The following C2CD4D variants were observed in gnomAD, a reference collection of about 807,000 sequenced individuals.
C2CD4D encodes the protein C2 calcium-dependent domain-containing protein 4D.
In C2CD4D, 1 loss-of-function variant was observed where a neutral mutation model predicts 0.2. That is an observed-to-expected ratio of 4.00 (90% CI 1.42 to 18.99). The LOEUF is 18.99. Ranked by LOEUF, C2CD4D falls within the 30% of genes most tolerant of loss-of-function variation. The probability of loss-of-function intolerance (pLI) is 0.11; values close to 1 mark genes in which losing one functional copy is unlikely to be tolerated. For synonymous variants in C2CD4D, 269 were observed against 279.8 expected (o/e 0.96, Z 0.39); for missense variants, 552 against 551.2 (o/e 1.00, Z -0.01).
At chr1:151,840,225 C>G (rs532769946) in exon 1 of C2CD4D, 1 of 152,534 alleles carries the variant, frequency 6.6e-6, no homozygotes, top group Admixed American at 6.5e-5. Context: ...ATAAACACAG[C>G]TCTGTCTGCG....
chr1:151,840,299 C>T (rs1406797337), exon 1 of C2CD4D: 1 of 152,562 alleles, frequency 6.6e-6, no homozygotes, highest in Admixed American at 6.5e-5. Flanking sequence ...ACAATCCATT[C>T]CTGTGCCCAG....
exon 2 of C2CD4D, chr1:151,838,447 C>T (rs1303249938): frequency 1.4e-6 from 2 of 1,411,756 alleles, no homozygotes; most frequent in Non-Finnish European, 9.2e-7. Flanking sequence ...GCGGCGAGTG[C>T]GGGCTGGTAT....
At chr1:151,838,812 G>A in exon 2 of C2CD4D, 1 of 1,420,972 alleles carries the variant, frequency 7.0e-7, no homozygotes, top group Non-Finnish European at 9.2e-7. Context: ...GCGCCGCCCG[G>A]GTCCGGGAGC....
At chr1:151,838,582 C>G in exon 2 of C2CD4D, 1 of 1,315,744 alleles carries the variant, frequency 7.6e-7, no homozygotes, top group African/African-American at 1.5e-5. Flanking sequence ...TGTCGGGGGC[C>G]CGGCAGAGGC....
chr1:151,838,900 G>C, exon 2 of C2CD4D: 1 of 1,547,208 alleles, frequency 6.5e-7, no homozygotes, highest in African/African-American at 1.4e-5. Context: ...GGCCCGGGGC[G>C]CGACGCTTGG....
chr1:151,839,317 A>C, intron 1 of C2CD4D, 97 bp from the exon 2 acceptor site: 2 of 383,022 alleles, frequency 5.2e-6, no homozygotes, highest in Non-Finnish European at 4.7e-6. Context: ...GGTACTAAAG[A>C]TGCCCCATTC....
chr1:151,838,053 C>T (rs1039308956), exon 2 of C2CD4D: 1 of 1,551,508 alleles, frequency 6.4e-7, no homozygotes, highest in Admixed American at 2.0e-5. Context: ...AGTCCCGCGC[C>T]CCTGTCTAGC....
At chr1:151,837,889 G>A (rs1572053738) in exon 2 of C2CD4D, 1 of 1,469,036 alleles carries the variant, frequency 6.8e-7, no homozygotes, top group South Asian at 1.4e-5. Context: ...GTGGACTGCA[G>A]ACACAGTGGA....
exon 2 of C2CD4D, chr1:151,838,990 G>A (rs1267804088): frequency 1.9e-6 from 3 of 1,550,064 alleles, no homozygotes; most frequent in Non-Finnish European, 1.7e-6. Flanking sequence ...AGAGCCACAT[G>A]CGGTGGGTGG....
exon 2 of C2CD4D, chr1:151,838,943 G>A (rs1652685351): frequency 1.3e-6 from 2 of 1,550,156 alleles, no homozygotes; most frequent in East Asian, 2.5e-5. Flanking sequence ...ACGGGCCGCA[G>A]GCTCCGCGGC....
exon 2 of C2CD4D, chr1:151,838,300 C>T: frequency 1.4e-6 from 2 of 1,384,184 alleles, no homozygotes; most frequent in Non-Finnish European, 1.9e-6. Flanking sequence ...GCCGCCCGGG[C>T]CCGGCCTGAT....
At chr1:151,839,899 G>C (rs1652733789) in intron 1 of C2CD4D, among the ~76,000 whole-genome samples, 79 bp from the exon 1 acceptor site, 1 of 152,130 alleles carries the variant, frequency 6.6e-6, no homozygotes, top group South Asian at 2.1e-4. Flanking sequence ...GAGCACAAAG[G>C]CAGCATTGAT....
exon 2 of C2CD4D, chr1:151,838,787 C>T: frequency 3.0e-6 from 4 of 1,354,486 alleles, no homozygotes; most frequent in Non-Finnish European, 3.8e-6. Context: ...CACGTGCCGC[C>T]GGGCCGCGGG....
At chr1:151,838,163 C>A (rs1305772402) in exon 2 of C2CD4D, 3 of 1,549,786 alleles carry the variant, frequency 1.9e-6, no homozygotes, top group Non-Finnish European at 2.6e-6. Context: ...CTTGACCACG[C>A]GGCTCTGCTG....
At position 151,839,009 on chromosome 1, in the gene C2CD4D, A is replaced by C. The variant is rs1652690273; in HGVS notation, c.-20T>G. 6.5e-7 allele frequency: 1 copy of C among 1,547,510 alleles called. No homozygotes were observed. Among genetic ancestry groups the C allele is most frequent in the African/African-American group, 1.4e-5 (1 of 72,730 alleles). On this transcript the variant is annotated 5_prime_UTR_variant, in exon 2 of 2. The change creates a new upstream start codon in the 5' untranslated region. Transcript: ENST00000454109. ...CCACATGCGGTGGGTGGGGTAATGG[A>C]ATTCCGAATTCCGCAGGGCCGAGAG... is the stretch of plus-strand genomic sequence containing the variant.
Position 151,838,490 on chromosome 1 carries a change from T to G in C2CD4D, c.500A>C (p.His167Pro), listed in dbSNP as rs1409610712. Reference sequence around the variant, plus strand: ...GCTCGCTTTTTCTGGGGACAGAGAGTGAGGCCTGGACACCCGGCGCCGGCC... The same window carrying G: ...GCTCGCTTTTTCTGGGGACAGAGAGGGAGGCCTGGACACCCGGCGCCGGCC... Residue 167 changes from histidine to proline, a missense_variant, in exon 2 of 2, where the codon CAC becomes CCC. Coordinates refer to ENST00000454109, the Ensembl canonical transcript of C2CD4D. 4 of 1,391,398 alleles carry G rather than the reference T, an allele frequency of 2.9e-6. No homozygotes were observed. The highest frequency in any genetic ancestry group is 3.7e-6 in the Non-Finnish European group (4 of 1,076,196). The allele number at this position is 1,391,398 out of a possible 1,614,324, so 86.2% of individuals were successfully genotyped here. A position where few individuals can be genotyped will look rare whatever the true frequency, so the allele number is the denominator to read the frequency against.
chr1:151,838,076 A>G, exon 2 of C2CD4D: 1 of 1,551,442 alleles, frequency 6.4e-7, no homozygotes, highest in Non-Finnish European at 8.7e-7. Flanking sequence ...CTTGGCTCTC[A>G]GGCTGCGGGC....
chr1:151,838,728 G>A, exon 2 of C2CD4D: 1 of 1,338,126 alleles, frequency 7.5e-7, no homozygotes, highest in African/African-American at 1.5e-5. Context: ...CAGCCTTCGC[G>A]GCCCGCCAGG....
At chr1:151,839,466 C>T (rs1652714659) in intron 1 of C2CD4D, among the ~76,000 whole-genome samples, 198 bp downstream of exon 1, 1 of 152,186 alleles carries the variant, frequency 6.6e-6, no homozygotes, top group South Asian at 2.1e-4. Context: ...CGGGCTCACG[C>T]CCTCCTCCCC....
Sources: allele counts gnomAD v4.1 joint callset (sites outside exome capture counted in the v4.1 genomes callset), GRCh38; gene constraint gnomAD v4.1.1; transcripts MANE v1.5; gene names NCBI Gene and HGNC (gene_info 2026-07-23, HGNC 2026-07-21).